Variants in FARS2 observed in about 807,000 individuals in gnomAD.
FARS2 encodes the protein phenylalanine--tRNA ligase, mitochondrial.
In FARS2, 40 loss-of-function variants were observed where a neutral mutation model predicts 46.4. That is an observed-to-expected ratio of 0.86 (90% CI 0.67 to 1.12). The LOEUF is 1.12. Among genes scored for constraint, FARS2 ranks in the 50% most tolerant of loss-of-function variants. The pLI, the probability that FARS2 is intolerant of heterozygous loss-of-function variation, is 0.00. For synonymous variants in FARS2, 234 were observed against 214.9 expected (o/e 1.09, Z -0.78); for missense variants, 513 against 567.9 (o/e 0.90, Z 0.98).
the FARS2 span, among the ~76,000 whole-genome samples, chr6:5,255,727 T>C: frequency 6.6e-6 from 1 of 152,074 alleles, no homozygotes; most frequent in Non-Finnish European, 1.5e-5. Context: ...TTCTCAATCT[T>C]GGCATGACCA....
At chr6:5,540,181 A>G (rs1017153887) in intron 4 of FARS2, among the ~76,000 whole-genome samples, 2 of 152,126 alleles carry the variant, frequency 1.3e-5, no homozygotes, top group Admixed American at 1.3e-4. Context: ...CAAATGGGAA[A>G]TTTCTCTGTT....
At chr6:5,462,114 A>G (rs1045896081) in intron 4 of FARS2, among the ~76,000 whole-genome samples, 2 of 152,338 alleles carry the variant, frequency 1.3e-5, no homozygotes, top group South Asian at 2.1e-4. Flanking sequence ...GTGAGTTTGT[A>G]TCTCGTTAGT....
At chr6:5,481,997 G>C (rs1048379819) in intron 4 of FARS2, among the ~76,000 whole-genome samples, 1 of 152,146 alleles carries the variant, frequency 6.6e-6, no homozygotes, top group African/African-American at 2.4e-5. Flanking sequence ...AAGGAAGGTC[G>C]TACCAGAGTG....
intron 5 of FARS2, among the ~76,000 whole-genome samples, chr6:5,587,764 C>A (rs1178554427): frequency 6.6e-6 from 1 of 152,198 alleles, no homozygotes; most frequent in Non-Finnish European, 1.5e-5. Flanking sequence ...ACCTTAAGTT[C>A]ATGAGCTCCG....
At chr6:5,404,785 T>C (rs1482826376) in intron 3 of FARS2, 84 bp downstream of exon 3, 108 of 1,002,602 alleles carry the variant, frequency 1.1e-4, no homozygotes, top group Non-Finnish European at 1.3e-4. Flanking sequence ...TTTTTTTTTT[T>C]TTCATATTTT....
At chr6:5,410,833 C>G (rs775014460) in intron 3 of FARS2, among the ~76,000 whole-genome samples, 1 of 152,036 alleles carries the variant, frequency 6.6e-6, no homozygotes, top group Non-Finnish European at 1.5e-5. Context: ...GGAATCACAT[C>G]AAAAATTTTA....
intron 6 of FARS2, among the ~76,000 whole-genome samples, chr6:5,655,292 C>G (rs1445400213): frequency 6.6e-6 from 1 of 152,208 alleles, no homozygotes; most frequent in African/African-American, 2.4e-5. Context: ...GGTGTTTGAG[C>G]AGTAATCCTT....
chr6:5,620,414 G>A (rs1775709649), intron 6 of FARS2, among the ~76,000 whole-genome samples: 1 of 152,154 alleles, frequency 6.6e-6, no homozygotes, highest in Non-Finnish European at 1.5e-5. Flanking sequence ...CACAGGAGGA[G>A]GTGTTCTAGT....
intron 6 of FARS2, among the ~76,000 whole-genome samples, chr6:5,632,360 T>C (rs946346882): frequency 6.6e-6 from 1 of 152,220 alleles, no homozygotes; most frequent in Non-Finnish European, 1.5e-5. Context: ...TCCAAACTTT[T>C]TGTGGTGAGA....
At chr6:5,414,158 T>C (rs968224908) in intron 3 of FARS2, among the ~76,000 whole-genome samples, 15 of 152,246 alleles carry the variant, frequency 9.9e-5, no homozygotes, top group African/African-American at 3.4e-4. Flanking sequence ...TTCATTCTAA[T>C]GGTTTCTGTT....
chr6:5,474,216 G>A (rs1317605049), intron 4 of FARS2, among the ~76,000 whole-genome samples: 1 of 152,220 alleles, frequency 6.6e-6, no homozygotes, highest in Non-Finnish European at 1.5e-5. Context: ...TCAGTAACCA[G>A]GGCCAGCCAG....
At chr6:5,467,569 G>C (rs965189175) in intron 4 of FARS2, among the ~76,000 whole-genome samples, 4 of 152,146 alleles carry the variant, frequency 2.6e-5, no homozygotes, top group African/African-American at 9.7e-5. Flanking sequence ...CAGAATGTGG[G>C]CTTTCCATAC....
intron 6 of FARS2, among the ~76,000 whole-genome samples, chr6:5,689,617 A>C (rs1757531946): frequency 6.6e-6 from 1 of 152,100 alleles, no homozygotes; most frequent in Non-Finnish European, 1.5e-5. Context: ...CTTTACTTCC[A>C]AGTATGTGGT....
intron 5 of FARS2, among the ~76,000 whole-genome samples, chr6:5,571,566 A>G (rs902011885): frequency 1.3e-5 from 2 of 151,974 alleles, no homozygotes; most frequent in Admixed American, 6.6e-5. Context: ...GCTTCACGCT[A>G]TCATCTGTCA....
At chr6:5,761,684 T>G (rs942201013) in intron 6 of FARS2, among the ~76,000 whole-genome samples, 3 of 151,968 alleles carry the variant, frequency 2.0e-5, no homozygotes, top group African/African-American at 7.3e-5. Context: ...TTTGGAAATA[T>G]GTGCAAAATG....
intron 5 of FARS2, among the ~76,000 whole-genome samples, chr6:5,597,050 C>T (rs1017786132): frequency 1.3e-5 from 2 of 152,226 alleles, no homozygotes; most frequent in African/African-American, 4.8e-5. Context: ...ATGCAGAAAG[C>T]TGGCAGTTTG....
intron 6 of FARS2, among the ~76,000 whole-genome samples, chr6:5,648,665 T>C (rs1285647183): frequency 6.6e-6 from 1 of 152,150 alleles, no homozygotes; most frequent in Non-Finnish European, 1.5e-5. Flanking sequence ...TTTCTCTCTT[T>C]CCATCTACCC....
At chr6:5,387,878 A>G (rs1760238333) in intron 2 of FARS2, among the ~76,000 whole-genome samples, 1 of 152,226 alleles carries the variant, frequency 6.6e-6, no homozygotes, top group Non-Finnish European at 1.5e-5. Context: ...TATTGTCTCT[A>G]TATTAAATTT....
intron 6 of FARS2, among the ~76,000 whole-genome samples, chr6:5,667,591 G>C (rs573227146): frequency 1.8e-4 from 28 of 152,098 alleles, no homozygotes; most frequent in African/African-American, 6.7e-4. Context: ...AAATTTGGGG[G>C]AAAAGTAAAA....
Sources: allele counts gnomAD v4.1 joint callset (sites outside exome capture counted in the v4.1 genomes callset), GRCh38; gene constraint gnomAD v4.1.1; transcripts MANE v1.5; gene names NCBI Gene and HGNC (gene_info 2026-07-23, HGNC 2026-07-21).